The following GNAI1 variants were observed in gnomAD, a reference collection of about 807,000 sequenced individuals.
GNAI1 encodes the protein guanine nucleotide-binding protein G(i) subunit alpha-1.
GNAI1 carries 11 observed loss-of-function variants against 38.9 expected under a neutral mutation model. The ratio of observed to expected loss-of-function variants is 0.28; its 90% CI spans 0.18 to 0.47. GNAI1 has a LOEUF of 0.47. Among genes scored for constraint, GNAI1 ranks in the 20% least tolerant of loss-of-function variants. The pLI, the probability that GNAI1 is intolerant of heterozygous loss-of-function variation, is 0.99. For synonymous variants in GNAI1, 166 were observed against 145.1 expected (o/e 1.14, Z -1.04); for missense variants, 317 against 436.9 (o/e 0.73, Z 2.45).
intron 1 of GNAI1, among the ~76,000 whole-genome samples, chr7:80,160,288 A>G (rs1380276955): frequency 6.6e-6 from 1 of 151,940 alleles, no homozygotes; most frequent in East Asian, 1.9e-4. Context: ...GCTTCTCTGT[A>G]AATTTTCTGG....
chr7:80,201,952 C>T (rs1030083427), intron 4 of GNAI1, among the ~76,000 whole-genome samples: 2 of 152,074 alleles, frequency 1.3e-5, no homozygotes, highest in Non-Finnish European at 2.9e-5. Context: ...ACTGACTAGC[C>T]ACCAATTCAC....
intron 6 of GNAI1, 34 bp from the exon 7 acceptor site, chr7:80,212,682 T>TA (rs754600087): frequency 1.9e-4 from 264 of 1,385,482 alleles, no homozygotes; most frequent in Middle Eastern, 2.2e-4. Flanking sequence ...TCCTTGCTGT[T>TA]AGTGACGATT....
chr7:80,141,081 C>G (rs1232045701), intron 1 of GNAI1, among the ~76,000 whole-genome samples: 1 of 152,186 alleles, frequency 6.6e-6, no homozygotes, highest in African/African-American at 2.4e-5. Flanking sequence ...AGTTAATAGT[C>G]CCATCTCAAG....
At chr7:80,198,093 T>A (rs1349968958) in intron 3 of GNAI1, among the ~76,000 whole-genome samples, 2 of 151,870 alleles carry the variant, frequency 1.3e-5, no homozygotes, top group Non-Finnish European at 2.9e-5. Flanking sequence ...GTTTTTTTTT[T>A]AATTGTGTTA....
intron 1 of GNAI1, 23 bp from the exon 2 acceptor site, chr7:80,188,927 AC>A: frequency 6.6e-7 from 1 of 1,523,602 alleles, no homozygotes; most frequent in South Asian, 1.1e-5. Context: ...GAAATTAGAA[AC>A]CTTTTATGTT....
At chr7:80,185,625 G>T (rs558516415) in intron 1 of GNAI1, among the ~76,000 whole-genome samples, 13 of 152,148 alleles carry the variant, frequency 8.5e-5, no homozygotes, top group African/African-American at 2.7e-4. Context: ...CTGTTCGGTG[G>T]CCCTACTACG....
chr7:80,156,784 AT>A lies in GNAI1; in HGVS notation c.118+21512del, dbSNP rs1259465902. Among the ~76,000 whole-genome samples, 8 of 152,040 alleles carry A rather than the reference AT, an allele frequency of 5.3e-5. No individual in the cohort carries two copies. The East Asian group carries it at 5.8e-4, about 11-fold the overall frequency. ...TGAATCATTGCTTTCTAATTCTATA[AT>A]TTTTTGACAGACTTTATTTTTTAGA... On this transcript the variant is annotated intron_variant, in intron 1 of 7. Transcript: ENST00000649796.
At chr7:80,199,162 C>T (rs561767854) in intron 3 of GNAI1, 63 bp from the exon 4 acceptor site, 21 of 1,164,432 alleles carry the variant, frequency 1.8e-5, no homozygotes, top group Middle Eastern at 2.1e-4. Flanking sequence ...AGAATTGTCT[C>T]CTTTGTACTT....
Position 80,206,380 on chromosome 7 carries a change from G to A in GNAI1, c.590+2548G>A, listed in dbSNP as rs114663522. Among the ~76,000 whole-genome samples, 598 of 143,264 alleles carry A rather than the reference G, an allele frequency of 4.2e-3. 4 individuals are homozygous for A. The highest frequency in any genetic ancestry group is 0.016 in the African/African-American group (557 of 34,290). 94.0% of individuals were successfully genotyped at this position (143,264 alleles called of 152,430 possible). On this transcript the variant is annotated intron_variant, in intron 5 of 7. Coordinates refer to ENST00000649796, the MANE Select transcript of GNAI1 (RefSeq NM_002069.6). ...TTAAAGCCTTCAGTGGACATTTTACGCTGCTGTCATTATCTGTTACTGAAA... is the reference window on the plus strand; with the variant it reads ...TTAAAGCCTTCAGTGGACATTTTACACTGCTGTCATTATCTGTTACTGAAA...
intron 1 of GNAI1, chr7:80,135,753 G>A: frequency 1.0e-6 from 1 of 978,132 alleles, no homozygotes; most frequent in Non-Finnish European, 1.2e-6. Flanking sequence ...GCCACGTTTG[G>A]TGAAATCAGT....
At chr7:80,137,294 T>TTTTTTTTTTTTTTTTTTTTTTC (rs1787433825) in intron 1 of GNAI1, among the ~76,000 whole-genome samples, 1 of 90,374 alleles carries the variant, frequency 1.1e-5, no homozygotes, top group African/African-American at 4.6e-5. Flanking sequence ...TTCTTTTTTC[T>TTTTTTTTTTTTTTTTTTTTTTC]TTTTTTTTTT....
intron 1 of GNAI1, among the ~76,000 whole-genome samples, chr7:80,170,675 T>A (rs1288987391): frequency 6.6e-6 from 1 of 152,056 alleles, no homozygotes; most frequent in Non-Finnish European, 1.5e-5. Context: ...GGAGGTGATA[T>A]ATACTTGTAA....
rs1168872815 is a variant in GNAI1, at chr7:80,221,262, AAAT to A, written c.*3773_*3775del. ...TATCATCTGAAAATAAATAAGGATT[AAAT>A]AATCCATTAATTTTAATGGTTGTTG... On this transcript the variant is annotated 3_prime_UTR_variant, in exon 8 of 8. Transcript: ENST00000649796. Among the ~76,000 whole-genome samples the A allele has an allele frequency of 6.6e-6, 1 of 152,234 alleles. No individual in the cohort carries two copies. The highest frequency in any genetic ancestry group is 1.5e-5 in the Non-Finnish European group (1 of 68,038).
intron 1 of GNAI1, among the ~76,000 whole-genome samples, chr7:80,173,345 AT>A (rs1189168319): frequency 2.0e-5 from 3 of 152,178 alleles, no homozygotes; most frequent in Non-Finnish European, 4.4e-5. Flanking sequence ...AGAGTAATTA[AT>A]TTGGACTATA....
At chr7:80,216,263 G>A (rs1313570535) in intron 7 of GNAI1, among the ~76,000 whole-genome samples, 1 of 150,684 alleles carries the variant, frequency 6.6e-6, no homozygotes, top group African/African-American at 2.4e-5. Context: ...AAACCAAACA[G>A]CTTCAGGACC....
chr7:80,181,000 A>G lies in GNAI1; in HGVS notation c.119-7951A>G, dbSNP rs745642827. Among the ~76,000 whole-genome samples the G allele has an allele frequency of 3.9e-5, 6 of 152,142 alleles. No individual in the cohort carries two copies. In the East Asian group the frequency reaches 9.6e-4, roughly 24 times the overall value. ...TTTCACATACCTTTTCAGTGCTGTA[A>G]TCTTTCTTGATAGCTTTCATATAAA... On this transcript the variant is annotated intron_variant, in intron 1 of 7. Transcript: ENST00000649796.
At chr7:80,207,921 T>G (rs1342776474) in intron 5 of GNAI1, among the ~76,000 whole-genome samples, 2 of 152,186 alleles carry the variant, frequency 1.3e-5, no homozygotes, top group Admixed American at 1.3e-4. Context: ...TTACTTTTTT[T>G]TGTCAGATAT....
chr7:80,194,157 G>A (rs1788528456), intron 3 of GNAI1, among the ~76,000 whole-genome samples: 1 of 152,114 alleles, frequency 6.6e-6, no homozygotes, highest in African/African-American at 2.4e-5. Context: ...CCAAAATTTA[G>A]GAGTCTTGTA....
Position 80,135,176 on chromosome 7 carries a change from A to G in GNAI1, c.16A>G (p.Ser6Gly). The change falls in exon 1 of 8, where the codon AGC (serine) becomes GGC (glycine). Residue 6 changes from serine to glycine, a missense_variant. Coordinates refer to ENST00000649796, the MANE Select transcript of GNAI1 (RefSeq NM_002069.6). Reference protein sequence around the residue: MGCTLSAEDKAAVERS... With the variant: MGCTLGAEDKAAVERS... The stretch of plus-strand genomic sequence containing the variant: ...TTTCGGCACCATGGGCTGCACGCTG[A>G]GCGCCGAGGACAAGGCGGCGGTGGA... The G allele has an allele frequency of 6.5e-7, 1 of 1,537,960 alleles. No homozygotes were observed. Among genetic ancestry groups the G allele is most frequent in the South Asian group, 1.2e-5 (1 of 81,622 alleles).
Sources: gnomAD v4.1 joint callset for allele counts (sites outside exome capture counted in the v4.1 genomes callset) on GRCh38, gnomAD v4.1.1 for gene constraint, MANE v1.5 for transcripts, NCBI Gene and HGNC (gene_info 2026-07-23, HGNC 2026-07-21) for gene names.